Variants in RUFY3 observed in about 807,000 individuals in gnomAD.
RUFY3 encodes the protein RUN and FYVE domain containing 3, also known as protein RUFY3.
RUFY3 carries 34 observed loss-of-function variants against 84.0 expected under a neutral mutation model. That is an observed-to-expected ratio of 0.40 (90% CI 0.31 to 0.54). The LOEUF (loss-of-function observed/expected upper bound fraction) is 0.54. Ranked by LOEUF, RUFY3 falls within the 20% of genes least tolerant of loss-of-function variation. RUFY3 has a pLI of 0.39. For missense variants in RUFY3, 507 were observed against 736.8 expected (o/e 0.69, Z 3.61); for synonymous variants, 242 against 252.9 (o/e 0.96, Z 0.41).
At chr4:70,743,737 G>A (rs1475956113) in intron 1 of RUFY3, among the ~76,000 whole-genome samples, 8 of 151,952 alleles carry the variant, frequency 5.3e-5, no homozygotes, top group Non-Finnish European at 8.8e-5. Context: ...TTCCAGTCAA[G>A]TGATATATGG....
intron 1 of RUFY3, among the ~76,000 whole-genome samples, chr4:70,715,304 G>A (rs78873326): frequency 0.014 from 2,069 of 152,206 alleles, 23 homozygotes; most frequent in Middle Eastern, 0.034. Context: ...TTTCATGGCT[G>A]GATGCGGTGG....
chr4:70,799,896 A>G, intron 14 of RUFY3: 1 of 412,200 alleles, frequency 2.4e-6, no homozygotes, highest in South Asian at 3.6e-5. Flanking sequence ...TACATTCTGA[A>G]TTTTATTTGA....
chr4:70,744,174 G>C (rs572308934), intron 1 of RUFY3, among the ~76,000 whole-genome samples: 1 of 152,184 alleles, frequency 6.6e-6, no homozygotes, highest in Non-Finnish European at 1.5e-5. Flanking sequence ...GGCCATAACA[G>C]TTGGCTTTTT....
At chr4:70,749,309 C>T (rs1722727757) in intron 1 of RUFY3, among the ~76,000 whole-genome samples, 1 of 151,944 alleles carries the variant, frequency 6.6e-6, no homozygotes, top group African/African-American at 2.4e-5. Flanking sequence ...GGAAACTTTC[C>T]AAAACTAAAA....
intron 6 of RUFY3, among the ~76,000 whole-genome samples, chr4:70,774,644 AATATATATAT>A (rs1553916772): frequency 4.9e-4 from 28 of 56,678 alleles, no homozygotes; most frequent in African/African-American, 8.4e-4. Flanking sequence ...AAAAAAAAAA[AATATATATAT>A]ATATATATAT....
chr4:70,797,870 A>C (rs1032123275), intron 14 of RUFY3, among the ~76,000 whole-genome samples: 4 of 152,132 alleles, frequency 2.6e-5, no homozygotes, highest in South Asian at 2.1e-4. Flanking sequence ...ATAAAAAAAA[A>C]CACTCTGTGT....
intron 1 of RUFY3, among the ~76,000 whole-genome samples, chr4:70,738,994 C>A (rs1264096152): frequency 6.6e-6 from 1 of 151,836 alleles, no homozygotes; most frequent in African/African-American, 2.4e-5. Context: ...GGATTACAGG[C>A]ATGAACCACC....
intron 1 of RUFY3, among the ~76,000 whole-genome samples, chr4:70,723,933 A>T (rs759026563): frequency 6.6e-5 from 10 of 152,152 alleles, no homozygotes; most frequent in Non-Finnish European, 1.5e-4. Context: ...AGTTTTAGGG[A>T]TGGTTAATAA....
At chr4:70,778,013 C>T (rs910307950) in intron 7 of RUFY3, among the ~76,000 whole-genome samples, 3 of 152,148 alleles carry the variant, frequency 2.0e-5, no homozygotes, top group African/African-American at 7.2e-5. Context: ...AGGTGGGTCA[C>T]TTGAGGTCAA....
At chr4:70,794,644 C>T in intron 13 of RUFY3, 151 bp from the exon 14 acceptor site, 1 of 646,194 alleles carries the variant, frequency 1.5e-6, no homozygotes, top group Non-Finnish European at 2.7e-6. Flanking sequence ...TTAGAAGTAG[C>T]AACATTATCA....
intron 1 of RUFY3, among the ~76,000 whole-genome samples, chr4:70,744,567 A>G (rs1210384375): frequency 6.6e-6 from 1 of 152,026 alleles, no homozygotes; most frequent in Non-Finnish European, 1.5e-5. Context: ...TTTTAAAATA[A>G]CAGACTCTAG....
chr4:70,722,361 G>A lies in RUFY3; in HGVS notation c.-213G>A. 1.5e-6 allele frequency: 2 copies of A among 1,313,826 alleles called. No homozygotes were observed. Among genetic ancestry groups the A allele is most frequent in the Non-Finnish European group, 1.9e-6 (2 of 1,031,274 alleles). The allele number at this position is 1,313,826 out of a possible 1,614,324, so 81.4% of individuals were successfully genotyped here. A position where few individuals can be genotyped will look rare whatever the true frequency, so the allele number is the denominator to read the frequency against. On this transcript the variant is annotated 5_prime_UTR_variant, in exon 1 of 18. It adds an upstream start codon to the 5' untranslated region. Transcript: ENST00000381006. ...TGTGGTAGGAACTGTCTATAAGATA[G>A]TGTAGAATTGTTTATCTTGAGCAGT...
At chr4:70,767,596 A>G (rs781683051) in intron 4 of RUFY3, among the ~76,000 whole-genome samples, 6 of 152,140 alleles carry the variant, frequency 3.9e-5, no homozygotes, top group Non-Finnish European at 8.8e-5. Flanking sequence ...TAGTTAGATC[A>G]TATGAATTAC....
intron 17 of RUFY3, among the ~76,000 whole-genome samples, chr4:70,805,138 A>G (rs1732708687): frequency 6.6e-6 from 1 of 152,216 alleles, no homozygotes; most frequent in Non-Finnish European, 1.5e-5. Flanking sequence ...AATGCTAACT[A>G]CATTTCCCAA....
At position 70,807,781 on chromosome 4, in the gene RUFY3, T is replaced by C. The variant is rs1732981333; in HGVS notation, c.*1122T>C. Among the ~76,000 whole-genome samples, 1 of 151,736 alleles carries C rather than the reference T, an allele frequency of 6.6e-6. No individual in the cohort carries two copies. The highest frequency in any genetic ancestry group is 6.6e-5 in the Admixed American group (1 of 15,218). ...TTCCACAGTGCCGAGATTACAGGCA[T>C]GAGCCACCACACCTGGCCAAGTTTA... On this transcript the variant is annotated 3_prime_UTR_variant, in exon 18 of 18. Transcript: ENST00000381006.
chr4:70,793,701 T>C (rs2148807116), intron 12 of RUFY3, 84 bp from the exon 13 acceptor site: 1 of 1,608,018 alleles, frequency 6.2e-7, no homozygotes, highest in Non-Finnish European at 8.5e-7. Flanking sequence ...TTCCTTGGGT[T>C]ATTTTATTTT....
chr4:70,754,273 G>A (rs200893942), intron 1 of RUFY3, among the ~76,000 whole-genome samples: 4 of 152,080 alleles, frequency 2.6e-5, no homozygotes, highest in East Asian at 3.9e-4. Context: ...GGCTGGTCTC[G>A]AACTCCTGAC....
At chr4:70,751,469 T>C (rs1723123532) in intron 1 of RUFY3, among the ~76,000 whole-genome samples, 1 of 152,238 alleles carries the variant, frequency 6.6e-6, no homozygotes. Flanking sequence ...TCCTAGTGAG[T>C]GTGAAAAGGT....
At chr4:70,793,961 C>T (rs753719431) in intron 13 of RUFY3, 57 bp downstream of exon 13, 8 of 1,579,302 alleles carry the variant, frequency 5.1e-6, no homozygotes, top group Non-Finnish European at 6.0e-6. Flanking sequence ...TTAGGGTAGA[C>T]AGCAAGAAAA....
Sources: gnomAD v4.1 joint callset for allele counts (sites outside exome capture counted in the v4.1 genomes callset) on GRCh38, gnomAD v4.1.1 for gene constraint, MANE v1.5 for transcripts, NCBI Gene and HGNC (gene_info 2026-07-23, HGNC 2026-07-21) for gene names.